CCDC91: variants seen among roughly 807,000 people sequenced by gnomAD.
CCDC91 encodes the protein coiled-coil domain-containing protein 91.
CCDC91 carries 48 observed loss-of-function variants against 63.2 expected under a neutral mutation model. The ratio of observed to expected loss-of-function variants is 0.76; its 90% CI spans 0.60 to 0.97. CCDC91 has a LOEUF of 0.97. Ranked by LOEUF, CCDC91 falls within the 50% of genes least tolerant of loss-of-function variation. CCDC91 has a pLI of 0.00. For missense variants in CCDC91, 500 were observed against 494.6 expected (o/e 1.01, Z -0.10); for synonymous variants, 167 against 165.8 (o/e 1.01, Z -0.06).
intron 7 of CCDC91, 81 bp from the exon 8 acceptor site, chr12:28,391,222 CA>C: frequency 2.6e-6 from 2 of 770,234 alleles, no homozygotes; most frequent in African/African-American, 1.7e-5. Context: ...ACAGTATGTA[CA>C]ACTGTCAAAA....
At chr12:28,393,531 A>G (rs1470833747) in intron 8 of CCDC91, among the ~76,000 whole-genome samples, 4 of 152,140 alleles carry the variant, frequency 2.6e-5, no homozygotes, top group Middle Eastern at 3.2e-3. Flanking sequence ...GGGTGGAAGA[A>G]ATCTTGTCTC....
chr12:28,191,141 C>T lies in CCDC91; in HGVS notation c.-15+500C>T, dbSNP rs113770551. 9 of 152,362 alleles carry T rather than the reference C, an allele frequency of 5.9e-5. 1 individual carries two copies. Among genetic ancestry groups the T allele is most frequent in the African/African-American group, 1.9e-4 (8 of 41,580 alleles). The allele number at this position is 152,362 out of a possible 1,614,324, so 9.4% of individuals were successfully genotyped here. A position where few individuals can be genotyped will look rare whatever the true frequency, so the allele number is the denominator to read the frequency against. On this transcript the variant is annotated intron_variant, in intron 1 of 12. Coordinates refer to ENST00000536442, the MANE Select transcript of CCDC91 (RefSeq NM_018318.5). ...TAAAAGTGGCATTTCAGGGTCAAGG[C>T]AGGAGCCAGTAACTTTGCCAAGTGG...
chr12:28,394,248 C>G (rs770877854), intron 8 of CCDC91, among the ~76,000 whole-genome samples: 3 of 152,140 alleles, frequency 2.0e-5, no homozygotes, highest in South Asian at 2.1e-4. Context: ...GGGCCGATCA[C>G]AAGGTCAGAA....
intron 6 of CCDC91, among the ~76,000 whole-genome samples, chr12:28,340,460 G>A (rs949028201): frequency 6.6e-6 from 1 of 152,240 alleles, no homozygotes; most frequent in African/African-American, 2.4e-5. Context: ...TAAAAGGGTT[G>A]CAGGAATACT....
intron 6 of CCDC91, among the ~76,000 whole-genome samples, chr12:28,335,283 A>ATTATGTATAATATAATATATTATAAATAT (rs1941866716): frequency 1.5e-5 from 2 of 132,762 alleles, no homozygotes; most frequent in Admixed American, 8.2e-5. Context: ...TATAATACAT[A>ATTATGTATAATATAATATATTATAAATAT]TTATATATAA....
At chr12:28,256,967 C>T in intron 1 of CCDC91, 1 of 419,516 alleles carries the variant, frequency 2.4e-6, no homozygotes, top group Non-Finnish European at 4.3e-6. Flanking sequence ...AATATTTTTC[C>T]ACTCCTGGCA....
At chr12:28,197,970 A>G (rs11049447) in intron 1 of CCDC91, among the ~76,000 whole-genome samples, 39,534 of 151,888 alleles carry the variant, frequency 0.26, 5,375 homozygotes, top group Non-Finnish European at 0.31. Context: ...TAATAAATGG[A>G]GATAAAAAAT....
chr12:28,241,256 A>G (rs752230511), intron 1 of CCDC91, among the ~76,000 whole-genome samples: 1 of 152,186 alleles, frequency 6.6e-6, no homozygotes, highest in Non-Finnish European at 1.5e-5. Context: ...TCATATGTGC[A>G]TGGAACCTTC....
chr12:28,281,332 T>C (rs1948597821), intron 3 of CCDC91, among the ~76,000 whole-genome samples: 2 of 152,146 alleles, frequency 1.3e-5, no homozygotes, highest in South Asian at 4.1e-4. Context: ...CTGAAATTCA[T>C]AGGCTGTTCC....
At chr12:28,491,127 G>A (rs1306339802) in intron 12 of CCDC91, among the ~76,000 whole-genome samples, 2 of 151,416 alleles carry the variant, frequency 1.3e-5, no homozygotes, top group East Asian at 1.9e-4. Flanking sequence ...TCTAATCGAA[G>A]TACAGTGAGC....
intron 8 of CCDC91, among the ~76,000 whole-genome samples, chr12:28,396,676 GTGT>G (rs1180328577): frequency 6.7e-6 from 1 of 149,836 alleles, no homozygotes; most frequent in African/African-American, 2.4e-5. Flanking sequence ...GTGTGTGTGT[GTGT>G]GGGCATGTGT....
At chr12:28,441,754 ATATATG>A (rs1321427739) in intron 8 of CCDC91, among the ~76,000 whole-genome samples, 1 of 150,376 alleles carries the variant, frequency 6.6e-6, no homozygotes, top group African/African-American at 2.4e-5. Flanking sequence ...TATCTCATAT[ATATATG>A]TATATGTGTA....
At chr12:28,388,466 G>A (rs1329806872) in intron 7 of CCDC91, among the ~76,000 whole-genome samples, 1 of 152,118 alleles carries the variant, frequency 6.6e-6, no homozygotes, top group Non-Finnish European at 1.5e-5. Flanking sequence ...TACGCCAACA[G>A]CAACCAAACT....
intron 1 of CCDC91, among the ~76,000 whole-genome samples, chr12:28,194,569 G>A (rs542278612): frequency 2.2e-4 from 33 of 152,066 alleles, no homozygotes; most frequent in African/African-American, 6.5e-4. Context: ...TGGCGCATCC[G>A]AAATTGTTCA....
chr12:28,483,235 C>G (rs1034455463), intron 11 of CCDC91, among the ~76,000 whole-genome samples: 15 of 152,074 alleles, frequency 9.9e-5, no homozygotes, highest in African/African-American at 3.4e-4. Context: ...AGAATCAAAA[C>G]TGAAGCAAAT....
chr12:28,336,208 G>C (rs1209473744), intron 6 of CCDC91, among the ~76,000 whole-genome samples: 3 of 152,172 alleles, frequency 2.0e-5, no homozygotes, highest in Non-Finnish European at 4.4e-5. Context: ...GAGTAGAACT[G>C]GTTGGAATAT....
intron 6 of CCDC91, among the ~76,000 whole-genome samples, chr12:28,321,639 C>G (rs1325454413): frequency 1.3e-5 from 2 of 151,808 alleles, no homozygotes; most frequent in Non-Finnish European, 2.9e-5. Flanking sequence ...GTCTATGTCT[C>G]TGCCATGTGG....
intron 7 of CCDC91, among the ~76,000 whole-genome samples, chr12:28,387,347 C>G (rs1040727279): frequency 6.6e-6 from 1 of 152,186 alleles, no homozygotes; most frequent in African/African-American, 2.4e-5. Context: ...TTTAGCTCCA[C>G]TCTTAACTCC....
chr12:28,456,514 T>G (rs1950065133), intron 11 of CCDC91, among the ~76,000 whole-genome samples: 1 of 152,110 alleles, frequency 6.6e-6, no homozygotes, highest in South Asian at 2.1e-4. Context: ...GGCAGGGGAA[T>G]TTTTTGAGGG....
Sources: gnomAD v4.1 joint callset for allele counts (sites outside exome capture counted in the v4.1 genomes callset) on GRCh38, gnomAD v4.1.1 for gene constraint, MANE v1.5 for transcripts, NCBI Gene and HGNC (gene_info 2026-07-23, HGNC 2026-07-21) for gene names.